ZAN: variants seen among roughly 807,000 people sequenced by gnomAD.
The protein encoded by ZAN is zonadhesin, also known as zonadhesin (gene/pseudogene).
In ZAN, 260 loss-of-function variants were observed where a neutral mutation model predicts 286.2. That is an observed-to-expected ratio of 0.91 (90% CI 0.82 to 1.01). The LOEUF (loss-of-function observed/expected upper bound fraction) is 1.01, where lower values mean the gene tolerates loss of function less well. Ranked by LOEUF, ZAN falls within the 50% of genes least tolerant of loss-of-function variation. The pLI, the probability that ZAN is intolerant of heterozygous loss-of-function variation, is 0.00. For synonymous variants in ZAN, 1,368 were observed against 1,417.5 expected (o/e 0.97, Z 0.79); for missense variants, 3,410 against 3,639.2 (o/e 0.94, Z 1.62).
intron 13 of ZAN, 100 bp downstream of exon 13, chr7:100,751,366 G>A (rs773042523): frequency 9.3e-5 from 75 of 809,272 alleles, no homozygotes; most frequent in Non-Finnish European, 1.2e-4. Flanking sequence ...CCTGGAGCCC[G>A]AATTCTCACC....
chr7:100,773,626 G>A, intron 30 of ZAN, 95 bp from the exon 31 acceptor site: 1 of 1,543,922 alleles, frequency 6.5e-7, no homozygotes. Flanking sequence ...GGGGCGAGGA[G>A]GAAGGGCAGA....
In ZAN at chr7:100,752,855, C is replaced by T. The variant is rs191610206; in HGVS notation, c.2750C>T (p.Thr917Met). ...TISPEKPTIS[T>M]EKPTIPTEKP... ...TCCCCAGAAAAACCCACCATCTCCA[C>T]GGAAAAACCCACCATCCCCACGGAA... The change falls in exon 14 of 48, where the codon ACG becomes ATG. Residue 917 changes from threonine to methionine, a missense_variant. By Grantham distance (81) the Thr-to-Met change is moderately conservative. Transcript: ENST00000613979. The T allele has an allele frequency of 1.9e-5, 30 of 1,607,616 alleles. No homozygotes were observed. The African/African-American group carries it at 3.3e-4, about 18-fold the overall frequency.
intron 37 of ZAN, among the ~76,000 whole-genome samples, chr7:100,786,865 A>G (rs1231639769): frequency 1.3e-5 from 2 of 152,146 alleles, no homozygotes; most frequent in Admixed American, 6.6e-5. Context: ...CAACCTGGCC[A>G]ACATAGGAAG....
In ZAN at chr7:100,752,619, C is replaced by A. The variant is rs117339995; in HGVS notation, c.2514C>A (p.Ile838=). The part of the protein sequence containing the change: ...ETTTSVEETT[I]STEKLTIPME... ...CCACCTCTGTTGAAGAGACTACCAT[C>A]TCTACAGAAAAACTCACCATCCCCA... Residue 838 remains isoleucine (I), a synonymous_variant, in exon 14 of 48, where the codon ATC becomes ATA. Coordinates refer to ENST00000613979, the MANE Select transcript of ZAN (RefSeq NM_003386.3). 14,929 of 1,612,564 alleles carry A rather than the reference C, an allele frequency of 9.3e-3. 124 individuals carry two copies. Among genetic ancestry groups the A allele is most frequent in the Non-Finnish European group, 0.011 (12,489 of 1,179,680 alleles).
chr7:100,762,417 CTCT>C, intron 20 of ZAN, 59 bp downstream of exon 20: 24 of 1,063,346 alleles, frequency 2.3e-5, no homozygotes, highest in South Asian at 3.6e-5. Flanking sequence ...TCCTGGAACT[CTCT>C]TTTTTTTTTT....
chr7:100,775,666 T>C lies in ZAN; in HGVS notation c.6028-3T>C. 1 of 1,613,776 alleles carries C rather than the reference T, an allele frequency of 6.2e-7. No homozygotes were observed. Among genetic ancestry groups the C allele is most frequent in the South Asian group, 1.1e-5 (1 of 91,066 alleles). ...TACTCACCGTCACTGTCCTCCTGTT[T>C]AGATCAACAGCAAACAGGTCACCCT... On this transcript the variant is annotated splice_polypyrimidine_tract_variant and splice_region_variant and intron_variant, in intron 32 of 47. Coordinates refer to ENST00000613979, the MANE Select transcript of ZAN (RefSeq NM_003386.3).
At chr7:100,748,040 G>A in intron 9 of ZAN, 97 bp from the exon 10 acceptor site, 1 of 976,838 alleles carries the variant, frequency 1.0e-6, no homozygotes, top group Non-Finnish European at 1.6e-6. Flanking sequence ...GGCACAGGGA[G>A]TAGGGATTCT....
chr7:100,761,896 A>G (rs314293), intron 19 of ZAN, among the ~76,000 whole-genome samples: 151,260 of 151,568 alleles, frequency 1, 75,476 homozygotes, highest in Middle Eastern at 1. Context: ...CCGAGGTTGC[A>G]CCACTGCCCT....
rs780280379 is a variant in ZAN, at chr7:100,790,969, G to T, written c.7385G>T (p.Gly2462Val). Residue 2462 changes from glycine to valine, a missense_variant, in exon 40 of 48, where the codon GGG becomes GTG. Transcript: ENST00000613979. ...AVISLPSMYE[G>V]LVSGLCGNYD... Reference sequence around the variant, plus strand: ...ATCTCCCTACCCAGCATGTACGAGGGGCTTGTGAGTGGCCTGTGCGGAAAC... The same window carrying T: ...ATCTCCCTACCCAGCATGTACGAGGTGCTTGTGAGTGGCCTGTGCGGAAAC... The T allele has an allele frequency of 4.3e-6, 7 of 1,612,652 alleles. No individual in the cohort carries two copies. The highest frequency in any genetic ancestry group is 1.7e-4 in the Middle Eastern group (1 of 6,060).
At chr7:100,795,095 C>T (rs531523326) in intron 44 of ZAN, 101 bp from the exon 45 acceptor site, 11 of 1,436,190 alleles carry the variant, frequency 7.7e-6, no homozygotes, top group Admixed American at 2.3e-5. Context: ...CTCTGGCAGC[C>T]GCTGCTTTCT....
chr7:100,776,600 T>C, intron 34 of ZAN, 36 bp downstream of exon 34: 3 of 1,462,004 alleles, frequency 2.1e-6, no homozygotes, highest in Non-Finnish European at 2.7e-6. Flanking sequence ...GTTTTCTTTC[T>C]TTTTCTTTCT....
chr7:100,737,351 T>C lies in ZAN; in HGVS notation c.613+2T>C. The C allele has an allele frequency of 1.4e-6, 2 of 1,453,954 alleles. 1 individual carries two copies. Among genetic ancestry groups the C allele is most frequent in the Non-Finnish European group, 1.9e-6 (2 of 1,068,282 alleles). 90.1% of individuals were successfully genotyped at this position (1,453,954 alleles called of 1,614,324 possible). ...TCCGCCGGGGCTCCTGTAATCGCGG[T>C]GAGTCCCTGTCCCTCCTCCCGCCTG... On this transcript the variant is annotated splice_donor_variant, in intron 6 of 47. Coordinates refer to ENST00000613979, the MANE Select transcript of ZAN (RefSeq NM_003386.3). LOFTEE classifies it high-confidence loss of function.
intron 11 of ZAN, 75 bp downstream of exon 11, chr7:100,748,545 T>C: frequency 1.3e-6 from 2 of 1,528,906 alleles, no homozygotes; most frequent in Non-Finnish European, 1.8e-6. Context: ...CTGCTGTGAC[T>C]GATGGGAGAC....
At chr7:100,796,578 G>A (rs1343410470) in intron 45 of ZAN, among the ~76,000 whole-genome samples, 3 of 151,926 alleles carry the variant, frequency 2.0e-5, no homozygotes, top group Non-Finnish European at 2.9e-5. Flanking sequence ...CACCACGCCC[G>A]GCTATTTTTG....
Position 100,737,302 on chromosome 7 carries a change from A to G in ZAN, c.566A>G (p.Asp189Gly). ...EGTRGSTAYL[D>G]IALDALSIRR... ...ACACGGGGTAGCACTGCCTACCTGG[A>G]CATCGCCCTGGATGCCCTCTCTATC... The change falls in exon 6 of 48, where the codon GAC becomes GGC. Residue 189 changes from aspartate (D) to glycine (G), a missense_variant. By Grantham distance (94) the Asp-to-Gly change is moderately conservative. Transcript: ENST00000613979. 6.7e-7 allele frequency: 1 copy of G among 1,489,820 alleles called. No individual in the cohort carries two copies. Among genetic ancestry groups the G allele is most frequent in the Non-Finnish European group, 9.2e-7 (1 of 1,089,470 alleles). 92.3% of individuals were successfully genotyped at this position (1,489,820 alleles called of 1,614,324 possible).
In ZAN at chr7:100,751,972, T is replaced by TCAGAAAAACCCACCATCCTCA; in HGVS notation, c.1884_1904dup (p.Leu629_Ile635dup). The stretch of plus-strand genomic sequence containing the variant: ...GCCCTCAGAAAAACCCACCATTCCC[T>TCAGAAAAACCCACCATCCTCA]CAGAAAAACCCACCATCCTCACAGA... On this transcript the variant is annotated inframe_insertion, in exon 14 of 48. Coordinates refer to ENST00000613979, the MANE Select transcript of ZAN (RefSeq NM_003386.3). 1 of 1,554,034 alleles carries TCAGAAAAACCCACCATCCTCA rather than the reference T, an allele frequency of 6.4e-7. No individual in the cohort carries two copies. Among genetic ancestry groups the TCAGAAAAACCCACCATCCTCA allele is most frequent in the Non-Finnish European group, 8.7e-7 (1 of 1,153,232 alleles).
At position 100,776,671 on chromosome 7, in the gene ZAN, T is replaced by G. The variant is rs1584611913; in HGVS notation, c.6317+107T>G. ...CTCCCCTCCCCTCCCCTCCCCTTCC[T>G]TCCTTTCTTCCTTTCTCTCTTTCTC... On this transcript the variant is annotated intron_variant, in intron 34 of 47. Coordinates refer to ENST00000613979, the MANE Select transcript of ZAN (RefSeq NM_003386.3). 1.1e-5 allele frequency: 7 copies of G among 655,520 alleles called. 1 individual carries two copies. In the South Asian group the frequency reaches 1.4e-4, roughly 13 times the overall value. 40.6% of individuals were successfully genotyped at this position (655,520 alleles called of 1,614,324 possible).
chr7:100,769,131 TCA>T (rs1322146362), intron 27 of ZAN, among the ~76,000 whole-genome samples: 4 of 152,138 alleles, frequency 2.6e-5, no homozygotes, highest in African/African-American at 9.7e-5. Context: ...TCACGCTCTG[TCA>T]CCCAGGCTGG....
rs1562934920 is a variant in ZAN at position 100,763,146 on chromosome 7, GTA to G, written c.3987-659_3987-658del. Among the ~76,000 whole-genome samples, 1 of 151,346 alleles carries G rather than the reference GTA, an allele frequency of 6.6e-6. No homozygotes were observed. The highest frequency in any genetic ancestry group is 2.4e-5 in the African/African-American group (1 of 41,164). On this transcript the variant is annotated intron_variant, in intron 20 of 47. Transcript: ENST00000613979. This position sits in a 1 kb window ranked among gnomAD's most constrained non-coding sequence, Gnocchi z 4.6. ...CACCTGTCTGATTTTTGTATTTTTAGTAGAGACGGGGTTTCATCATGTTGGCC... is the reference window on the plus strand; with the variant it reads ...CACCTGTCTGATTTTTGTATTTTTAGGAGACGGGGTTTCATCATGTTGGCC...
Sources: allele counts gnomAD v4.1 joint callset (sites outside exome capture counted in the v4.1 genomes callset), GRCh38; gene constraint gnomAD v4.1.1; non-coding constraint Gnocchi (gnomAD v3.1); transcripts MANE v1.5; gene names NCBI Gene and HGNC (gene_info 2026-07-23, HGNC 2026-07-21).